RELN: variants seen among roughly 807,000 people sequenced by gnomAD.
RELN encodes the protein reelin.
A neutral mutation model predicts 427.6 loss-of-function variants in RELN; 108 were observed. The ratio of observed to expected loss-of-function variants is 0.25; its 90% CI spans 0.22 to 0.30. RELN has a LOEUF of 0.30. Ranked by LOEUF, RELN falls within the 10% of genes least tolerant of loss-of-function variation. RELN has a pLI of 1.00. For synonymous variants in RELN, 1,524 were observed against 1,513.4 expected (o/e 1.01, Z -0.16); for missense variants, 3,715 against 4,302.8 (o/e 0.86, Z 3.82).
At chr7:103,761,184 T>G (rs1391896774) in intron 4 of RELN, among the ~76,000 whole-genome samples, 3 of 152,154 alleles carry the variant, frequency 2.0e-5, no homozygotes, top group African/African-American at 7.2e-5. Flanking sequence ...ATAAACGAAA[T>G]AGGAACAAAA....
At chr7:103,760,653 A>G (rs1008355571) in intron 4 of RELN, among the ~76,000 whole-genome samples, 40 of 152,170 alleles carry the variant, frequency 2.6e-4, no homozygotes, top group African/African-American at 9.2e-4. Flanking sequence ...CCTTTGAGTC[A>G]GACAAGAATT....
chr7:103,733,110 C>T (rs1465193775), intron 6 of RELN, among the ~76,000 whole-genome samples: 3 of 151,912 alleles, frequency 2.0e-5, no homozygotes, highest in African/African-American at 4.8e-5. Context: ...ACAAACAACC[C>T]CATCAAAAAG....
chr7:103,917,729 TGAA>T (rs1563090323), intron 1 of RELN, among the ~76,000 whole-genome samples: 1 of 152,038 alleles, frequency 6.6e-6, no homozygotes, highest in Non-Finnish European at 1.5e-5. Context: ...TTTCCTCTCG[TGAA>T]GAAGAAAGGA....
At chr7:103,730,038 T>G (rs1191008148) in intron 6 of RELN, among the ~76,000 whole-genome samples, 4 of 152,134 alleles carry the variant, frequency 2.6e-5, no homozygotes. Flanking sequence ...GTAGGCTCCT[T>G]ACTTTAGTGA....
At chr7:103,657,649 T>A (rs1186160404) in intron 12 of RELN, among the ~76,000 whole-genome samples, 1 of 152,094 alleles carries the variant, frequency 6.6e-6, no homozygotes, top group African/African-American at 2.4e-5. Flanking sequence ...CAGCCCAGAA[T>A]GGCAGAAGAA....
chr7:103,674,401 T>C (rs924131103), intron 11 of RELN, among the ~76,000 whole-genome samples: 29 of 151,714 alleles, frequency 1.9e-4, no homozygotes, highest in African/African-American at 6.5e-4. Context: ...GCTTTCTTTT[T>C]TCTTTTTTTT....
chr7:103,838,807 G>A (rs756601700), intron 2 of RELN, among the ~76,000 whole-genome samples: 1 of 152,200 alleles, frequency 6.6e-6, no homozygotes, highest in Non-Finnish European at 1.5e-5. Flanking sequence ...TCAAAAATGA[G>A]TCAATGTCTA....
At chr7:103,735,250 TTTTA>T (rs1262625001) in intron 6 of RELN, among the ~76,000 whole-genome samples, 5 of 152,330 alleles carry the variant, frequency 3.3e-5, no homozygotes, top group African/African-American at 1.2e-4. Flanking sequence ...GTTCTCTATT[TTTTA>T]TTTATTTATT....
Position 103,953,602 on chromosome 7 carries a change from G to C in RELN, c.226+35529C>G, listed in dbSNP as rs1343011272. On this transcript the variant is annotated intron_variant, in intron 1 of 64. Coordinates refer to ENST00000428762, the MANE Select transcript of RELN (RefSeq NM_005045.4). This position sits in a 1 kb window ranked among gnomAD's most constrained non-coding sequence, Gnocchi z 4.3. ...GAGAGTGTAATCTCAACTAGCAGTC[G>C]TAGTAAAATTGTTTCAGTAAAAATA... Among the ~76,000 whole-genome samples the C allele has an allele frequency of 6.6e-6, 1 of 152,142 alleles. No individual in the cohort carries two copies. Among genetic ancestry groups the C allele is most frequent in the Non-Finnish European group, 1.5e-5 (1 of 68,028 alleles).
At chr7:103,494,393 G>GTGTGTGTGTGTGT (rs60783765) in intron 57 of RELN, among the ~76,000 whole-genome samples, 14 of 150,966 alleles carry the variant, frequency 9.3e-5, no homozygotes, top group South Asian at 4.2e-4. Flanking sequence ...GTGTGTGTGT[G>GTGTGTGTGTGTGT]GGATATGGTC....
intron 3 of RELN, among the ~76,000 whole-genome samples, chr7:103,817,220 T>C (rs1479937750): frequency 6.6e-6 from 1 of 152,196 alleles, no homozygotes; most frequent in Non-Finnish European, 1.5e-5. Context: ...TTACCATGTA[T>C]ACAATATCAC....
intron 3 of RELN, among the ~76,000 whole-genome samples, chr7:103,786,450 T>G (rs1792017355): frequency 6.8e-6 from 1 of 147,732 alleles, no homozygotes; most frequent in South Asian, 2.1e-4. Context: ...GAGACCCATC[T>G]CATGTGCAAA....
chr7:103,979,029 C>T (rs1445615664), intron 1 of RELN, among the ~76,000 whole-genome samples: 1 of 152,174 alleles, frequency 6.6e-6, no homozygotes, highest in African/African-American at 2.4e-5. Flanking sequence ...AACATCTCTA[C>T]ACTTTTTGGT....
intron 6 of RELN, among the ~76,000 whole-genome samples, chr7:103,742,240 G>A (rs1033215392): frequency 1.3e-5 from 2 of 152,062 alleles, no homozygotes; most frequent in Non-Finnish European, 2.9e-5. Context: ...AAACAGAAAG[G>A]ACATCCACAC....
intron 2 of RELN, among the ~76,000 whole-genome samples, chr7:103,840,788 ATAAATT>A (rs1793534024): frequency 6.6e-6 from 1 of 152,216 alleles, no homozygotes; most frequent in African/African-American, 2.4e-5. Flanking sequence ...GAATTTCATA[ATAAATT>A]TAAATTTACA....
chr7:103,781,076 T>C (rs1434782544), intron 3 of RELN, among the ~76,000 whole-genome samples: 2 of 152,148 alleles, frequency 1.3e-5, no homozygotes, highest in African/African-American at 2.4e-5. Context: ...TCCCACCCTA[T>C]AGAAGACGCA....
intron 12 of RELN, among the ~76,000 whole-genome samples, chr7:103,660,871 G>T (rs1465721233): frequency 6.6e-6 from 1 of 152,128 alleles, no homozygotes; most frequent in African/African-American, 2.4e-5. Context: ...ATACTTTGAA[G>T]AAAACTATAA....
chr7:103,965,025 A>G (rs1208560966), intron 1 of RELN, among the ~76,000 whole-genome samples: 1 of 152,240 alleles, frequency 6.6e-6, no homozygotes, highest in African/African-American at 2.4e-5. Flanking sequence ...TATATGAAGC[A>G]ATGTTGAAAA....
chr7:103,934,298 G>A (rs1228462840), intron 1 of RELN, among the ~76,000 whole-genome samples: 1 of 152,020 alleles, frequency 6.6e-6, no homozygotes, highest in Non-Finnish European at 1.5e-5. Flanking sequence ...CTAGGCATTT[G>A]TCTCCCACTT....
Sources: allele counts gnomAD v4.1 joint callset (sites outside exome capture counted in the v4.1 genomes callset), GRCh38; gene constraint gnomAD v4.1.1; non-coding constraint Gnocchi (gnomAD v3.1); transcripts MANE v1.5; gene names NCBI Gene and HGNC (gene_info 2026-07-23, HGNC 2026-07-21).